ARHGAP25: variants seen among roughly 807,000 people sequenced by gnomAD.
ARHGAP25 encodes the protein rho GTPase-activating protein 25.
ARHGAP25 carries 34 observed loss-of-function variants against 71.0 expected under a neutral mutation model. That is an observed-to-expected ratio of 0.48 (90% CI 0.36 to 0.64). The LOEUF is 0.64. Ranked by LOEUF, ARHGAP25 falls within the 30% of genes least tolerant of loss-of-function variation. The pLI is 0.00. For synonymous variants in ARHGAP25, 282 were observed against 296.5 expected (o/e 0.95, Z 0.50); for missense variants, 706 against 805.1 (o/e 0.88, Z 1.49).
chr2:68,748,034 T>C (rs1675939500), intron 1 of ARHGAP25, among the ~76,000 whole-genome samples: 1 of 152,198 alleles, frequency 6.6e-6, no homozygotes, highest in Non-Finnish European at 1.5e-5. Context: ...TGTCAGTTCC[T>C]CATTAAAATT....
At chr2:68,765,256 T>C (rs1267017250) in intron 1 of ARHGAP25, among the ~76,000 whole-genome samples, 2 of 152,026 alleles carry the variant, frequency 1.3e-5, no homozygotes, top group Non-Finnish European at 2.9e-5. Flanking sequence ...GTAAGTGGTA[T>C]AACATCTGTG....
chr2:68,772,590 G>T (rs1402566292), intron 1 of ARHGAP25, among the ~76,000 whole-genome samples: 1 of 152,136 alleles, frequency 6.6e-6, no homozygotes, highest in African/African-American at 2.4e-5. Flanking sequence ...CCTACTCTCT[G>T]CCCTCTTTCT....
At chr2:68,809,284 T>C (rs1424537156) in intron 5 of ARHGAP25, among the ~76,000 whole-genome samples, 1 of 152,084 alleles carries the variant, frequency 6.6e-6, no homozygotes, top group Non-Finnish European at 1.5e-5. Flanking sequence ...TGCCCCGCAA[T>C]GGGCAGAGCA....
intron 1 of ARHGAP25, among the ~76,000 whole-genome samples, chr2:68,763,762 T>C (rs1676961804): frequency 6.6e-6 from 1 of 152,070 alleles, no homozygotes; most frequent in Non-Finnish European, 1.5e-5. Flanking sequence ...GTGTAGAAAA[T>C]TATTCTCATT....
intron 2 of ARHGAP25, among the ~76,000 whole-genome samples, chr2:68,725,792 A>C (rs1674869268): frequency 6.6e-6 from 1 of 152,122 alleles, no homozygotes; most frequent in African/African-American, 2.4e-5. Flanking sequence ...TTTTGCTGTG[A>C]ACACAAGACC....
intron 2 of ARHGAP25, among the ~76,000 whole-genome samples, chr2:68,778,295 T>C (rs987626142): frequency 6.6e-6 from 1 of 152,050 alleles, no homozygotes; most frequent in African/African-American, 2.4e-5. Context: ...AAAATGTCCA[T>C]AACATTACTG....
intron 1 of ARHGAP25, among the ~76,000 whole-genome samples, chr2:68,752,870 CAAAG>C (rs1211650653): frequency 2.2e-3 from 332 of 151,560 alleles, no homozygotes; most frequent in African/African-American, 7.2e-3. Flanking sequence ...AGTATATATA[CAAAG>C]AGAGAGAGAG....
chr2:68,798,379 C>T (rs1413404844), intron 4 of ARHGAP25, among the ~76,000 whole-genome samples: 2 of 152,164 alleles, frequency 1.3e-5, no homozygotes, highest in African/African-American at 2.4e-5. Context: ...CCTCATCTCT[C>T]CTGCCCTCAG....
At chr2:68,804,320 G>A (rs1680207475) in intron 4 of ARHGAP25, among the ~76,000 whole-genome samples, 2 of 152,154 alleles carry the variant, frequency 1.3e-5, no homozygotes, top group South Asian at 4.1e-4. Flanking sequence ...GTGGACCTCT[G>A]GAGCCTGAGT....
At chr2:68,746,706 C>G (rs541056624) in intron 1 of ARHGAP25, among the ~76,000 whole-genome samples, 70 of 150,004 alleles carry the variant, frequency 4.7e-4, no homozygotes, top group African/African-American at 1.7e-3. Context: ...AGGGACCACC[C>G]CCCTCCCCAT....
chr2:68,751,212 A>G (rs556675374), intron 1 of ARHGAP25, among the ~76,000 whole-genome samples: 85 of 152,206 alleles, frequency 5.6e-4, no homozygotes, highest in African/African-American at 2.0e-3. Context: ...GGACTTGCTC[A>G]CTCACCCAGC....
intron 1 of ARHGAP25, among the ~76,000 whole-genome samples, chr2:68,739,709 G>A (rs967790380): frequency 6.6e-6 from 1 of 152,156 alleles, no homozygotes; most frequent in African/African-American, 2.4e-5. Context: ...AGAGCATGAC[G>A]GAGAGCCACA....
intron 1 of ARHGAP25, among the ~76,000 whole-genome samples, chr2:68,747,025 A>G (rs1405014164): frequency 3.3e-5 from 5 of 151,606 alleles, no homozygotes; most frequent in Non-Finnish European, 5.9e-5. Flanking sequence ...AAAAAAAAAA[A>G]AAAGACAGGT....
chr2:68,721,562 G>A (rs549377366), intron 2 of ARHGAP25, among the ~76,000 whole-genome samples: 1 of 152,352 alleles, frequency 6.6e-6, no homozygotes, highest in East Asian at 1.9e-4. Context: ...GTTCCCACCA[G>A]CTCCTCCTCT....
intron 5 of ARHGAP25, among the ~76,000 whole-genome samples, chr2:68,808,500 A>G (rs780187276): frequency 6.6e-6 from 1 of 152,108 alleles, no homozygotes; most frequent in Non-Finnish European, 1.5e-5. Context: ...CCACAGTTGT[A>G]GTTTGGACAA....
intron 4 of ARHGAP25, among the ~76,000 whole-genome samples, chr2:68,805,749 C>A (rs574847685): frequency 1.3e-5 from 2 of 152,194 alleles, no homozygotes; most frequent in African/African-American, 4.8e-5. Flanking sequence ...CAGGTGGAAT[C>A]CACAGGAACT....
intron 4 of ARHGAP25, among the ~76,000 whole-genome samples, chr2:68,788,840 T>G (rs1678951318): frequency 6.6e-6 from 1 of 152,228 alleles, no homozygotes; most frequent in Non-Finnish European, 1.5e-5. Context: ...TTTCGTAGTT[T>G]GAATATTAAA....
chr2:68,802,448 G>A (rs1680047624), intron 4 of ARHGAP25, among the ~76,000 whole-genome samples: 1 of 148,692 alleles, frequency 6.7e-6, no homozygotes, highest in Non-Finnish European at 1.5e-5. Context: ...CAACCTATTT[G>A]GGGAGAGTGA....
At chr2:68,818,942 C>T (rs1420202757) in intron 8 of ARHGAP25, among the ~76,000 whole-genome samples, 181 bp from the exon 9 acceptor site, 1 of 152,224 alleles carries the variant, frequency 6.6e-6, no homozygotes, top group African/African-American at 2.4e-5. Context: ...TCTGTTCCAT[C>T]CCTTTCAACA....
Sources: allele counts gnomAD v4.1 joint callset (sites outside exome capture counted in the v4.1 genomes callset), GRCh38; gene constraint gnomAD v4.1.1; transcripts MANE v1.5; gene names NCBI Gene and HGNC (gene_info 2026-07-23, HGNC 2026-07-21).